POU2F1: variants seen among roughly 807,000 people sequenced by gnomAD.
POU2F1 encodes the protein POU domain, class 2, transcription factor 1.
POU2F1 carries 16 observed loss-of-function variants against 84.9 expected under a neutral mutation model. The ratio of observed to expected loss-of-function variants is 0.19; its 90% CI spans 0.13 to 0.29. The LOEUF (loss-of-function observed/expected upper bound fraction) is 0.29, where lower values mean the gene tolerates loss of function less well. Among genes scored for constraint, POU2F1 ranks in the 10% least tolerant of loss-of-function variants. The pLI, the probability that POU2F1 is intolerant of heterozygous loss-of-function variation, is 1.00. For synonymous variants in POU2F1, 368 were observed against 368.3 expected, an observed-to-expected ratio of 1.00 and a Z score of 0.01; for missense variants, 738 against 942.6, an observed-to-expected ratio of 0.78 and a Z score of 2.84.
intron 2 of POU2F1, among the ~76,000 whole-genome samples, chr1:167,348,822 C>CA (rs1326656984): frequency 6.6e-6 from 1 of 152,194 alleles, no homozygotes; most frequent in Non-Finnish European, 1.5e-5. Flanking sequence ...CTAAACCTCT[C>CA]AAAACTCTTT....
chr1:167,404,858 G>C (rs1052040506), intron 13 of POU2F1, among the ~76,000 whole-genome samples: 6 of 152,028 alleles, frequency 3.9e-5, no homozygotes, highest in African/African-American at 1.2e-4. Context: ...CTGCAAATCT[G>C]TCTAAATCTC....
intron 1 of POU2F1, among the ~76,000 whole-genome samples, chr1:167,270,629 G>A (rs1381310577): frequency 6.6e-6 from 1 of 152,146 alleles, no homozygotes; most frequent in Non-Finnish European, 1.5e-5. Context: ...TCATACATTG[G>A]ATTGTTTTTC....
chr1:167,414,457 A>G (rs1252350417), intron 15 of POU2F1: 1 of 985,340 alleles, frequency 1.0e-6, no homozygotes, highest in African/African-American at 1.7e-5. Context: ...CCCTTCAGCT[A>G]TATTTTATGT....
At chr1:167,233,691 C>T (rs936893756) in intron 1 of POU2F1, among the ~76,000 whole-genome samples, 6 of 152,184 alleles carry the variant, frequency 3.9e-5, no homozygotes, top group African/African-American at 1.4e-4. Context: ...AATGAAAACA[C>T]AGCACTTTCA....
At chr1:167,414,235 T>C (rs3767432) in intron 15 of POU2F1, 140,444 of 796,646 alleles carry the variant, frequency 0.18, 13,306 homozygotes, top group Non-Finnish European at 0.19. Flanking sequence ...ATAATAATTT[T>C]TTTTTGCAAT....
chr1:167,313,934 A>T (rs1041727871), intron 1 of POU2F1, among the ~76,000 whole-genome samples: 1 of 152,112 alleles, frequency 6.6e-6, no homozygotes, highest in African/African-American at 2.4e-5. Flanking sequence ...ATTTTTTTAG[A>T]ACACCTGTAA....
At chr1:167,226,194 T>G (rs1455949118) in intron 1 of POU2F1, among the ~76,000 whole-genome samples, 5 of 152,208 alleles carry the variant, frequency 3.3e-5, no homozygotes. Context: ...AGTTGAAAGT[T>G]GTTGATTTGA....
chr1:167,313,550 G>A (rs910015767), intron 1 of POU2F1, among the ~76,000 whole-genome samples: 1 of 151,854 alleles, frequency 6.6e-6, no homozygotes, highest in Non-Finnish European at 1.5e-5. Flanking sequence ...TGTGACTAAG[G>A]TACAAAAACA....
At chr1:167,248,593 G>T (rs941075446) in intron 1 of POU2F1, among the ~76,000 whole-genome samples, 9 of 152,150 alleles carry the variant, frequency 5.9e-5, no homozygotes, top group Admixed American at 1.3e-4. Context: ...AGTTTGTGGG[G>T]AGGAGGGAGA....
At chr1:167,413,174 TG>T in intron 15 of POU2F1, 60 bp downstream of exon 15, 2 of 1,337,994 alleles carry the variant, frequency 1.5e-6, no homozygotes, top group Non-Finnish European at 2.1e-6. Flanking sequence ...TGTGTGTGTG[TG>T]TGTGTGTGTG....
In POU2F1 at chr1:167,261,416, A is replaced by C. The variant is rs568563001; in HGVS notation, c.61+40458A>C. Among the ~76,000 whole-genome samples, 6 of 152,328 alleles carry C rather than the reference A, an allele frequency of 3.9e-5. No individual in the cohort carries two copies. The East Asian group carries it at 1.2e-3, about 29-fold the overall frequency. On this transcript the variant is annotated intron_variant, in intron 1 of 15. Transcript: ENST00000367866. The stretch of plus-strand genomic sequence containing the variant: ...GCATAAGATAATGGGGCCAGTGAGC[A>C]TGAACGGTTGTAGGTTGGAGATGTG...
intron 1 of POU2F1, among the ~76,000 whole-genome samples, chr1:167,321,271 G>A (rs1656293963): frequency 6.6e-6 from 1 of 152,086 alleles, no homozygotes; most frequent in Non-Finnish European, 1.5e-5. Context: ...CATGCCTTGT[G>A]GCAACACTTT....
chr1:167,248,600 G>A lies in POU2F1; in HGVS notation c.61+27642G>A, dbSNP rs373422657. 2.0e-4 allele frequency among the ~76,000 whole-genome samples: 31 copies of A among 152,278 alleles called. No individual in the cohort carries two copies. The East Asian group carries it at 3.1e-3, about 15-fold the overall frequency. Reference sequence around the variant, plus strand: ...AACCCAGTAGTTTGTGGGGAGGAGGGAGAGGAAGAGTCAAGAAAGACTTCT... The same window carrying A: ...AACCCAGTAGTTTGTGGGGAGGAGGAAGAGGAAGAGTCAAGAAAGACTTCT... On this transcript the variant is annotated intron_variant, in intron 1 of 15. Transcript: ENST00000367866.
chr1:167,287,230 C>G (rs1653593668), intron 1 of POU2F1, among the ~76,000 whole-genome samples: 1 of 152,194 alleles, frequency 6.6e-6, no homozygotes, highest in South Asian at 2.1e-4. Context: ...TAAACCATAA[C>G]TCTTTTAAAA....
At chr1:167,285,453 G>A (rs1035947317) in intron 1 of POU2F1, among the ~76,000 whole-genome samples, 8 of 152,114 alleles carry the variant, frequency 5.3e-5, no homozygotes, top group Admixed American at 1.3e-4. Flanking sequence ...TTAGCCAGGC[G>A]CAGCAGCAGG....
intron 2 of POU2F1, among the ~76,000 whole-genome samples, chr1:167,340,766 C>T (rs184265462): frequency 3.4e-4 from 51 of 152,170 alleles, no homozygotes; most frequent in African/African-American, 1.2e-3. Context: ...GATAACAGTA[C>T]TAAGTAACAT....
At position 167,294,172 on chromosome 1, in the gene POU2F1, CAAA is replaced by C. The variant is rs60846607; in HGVS notation, c.62-38273_62-38271del. 3.7e-3 allele frequency among the ~76,000 whole-genome samples: 116 copies of C among 30,948 alleles called. 1 individual carries two copies. The highest frequency in any genetic ancestry group is 8.0e-3 in the African/African-American group (114 of 14,284). 20.3% of individuals were successfully genotyped at this position (30,948 alleles called of 152,430 possible). ...GTGAAACCCCGTCTCTACTAAAATACAAAAAAAAAAAAAAAAAAAAAAAAAAAT... is the reference window on the plus strand; with the variant it reads ...GTGAAACCCCGTCTCTACTAAAATACAAAAAAAAAAAAAAAAAAAAAAAAT... On this transcript the variant is annotated intron_variant, in intron 1 of 15. Coordinates refer to ENST00000367866, the MANE Select transcript of POU2F1 (RefSeq NM_002697.4).
At position 167,415,617 on chromosome 1, in the gene POU2F1, A is replaced by G. The variant is rs756911675; in HGVS notation, c.2108A>G (p.Gln703Arg). 6.2e-7 allele frequency: 1 copy of G among 1,614,186 alleles called. No individual in the cohort carries two copies. The highest frequency in any genetic ancestry group is 8.5e-7 in the Non-Finnish European group (1 of 1,180,022). ...IVTAPLFLNP[Q>R]NLSLLTSNPV... The stretch of plus-strand genomic sequence containing the variant: ...ACTGCCCCTCTGTTCCTGAACCCTC[A>G]GAACCTCTCTCTGCTCACCAGCAAC... Residue 703 changes from glutamine to arginine, a missense_variant, in exon 16 of 16, where the codon CAG becomes CGG. Coordinates refer to ENST00000367866, the MANE Select transcript of POU2F1 (RefSeq NM_002697.4).
chr1:167,361,485 T>C (rs1659348420), intron 2 of POU2F1, among the ~76,000 whole-genome samples: 1 of 152,226 alleles, frequency 6.6e-6, no homozygotes, highest in South Asian at 2.1e-4. Flanking sequence ...TACTGATTTG[T>C]ATATGTTGAA....
Sources: gnomAD v4.1 joint callset for allele counts (sites outside exome capture counted in the v4.1 genomes callset) on GRCh38, gnomAD v4.1.1 for gene constraint, MANE v1.5 for transcripts, NCBI Gene and HGNC (gene_info 2026-07-23, HGNC 2026-07-21) for gene names.